The following GRIN2B variants were observed in gnomAD, a reference collection of about 807,000 sequenced individuals.
The protein encoded by GRIN2B is glutamate ionotropic receptor NMDA type subunit 2B.
A neutral mutation model predicts 114.5 loss-of-function variants in GRIN2B; 5 were observed. The ratio of observed to expected loss-of-function variants is 0.04; its 90% CI spans 0.02 to 0.09. GRIN2B has a LOEUF of 0.09. GRIN2B is among the 10% of genes least tolerant of loss of function. GRIN2B has a pLI of 1.00. For synonymous variants in GRIN2B, 787 were observed against 745.1 expected (o/e 1.06, Z -0.92); for missense variants, 1,108 against 1,943.5 (o/e 0.57, Z 8.08).
intron 5 of GRIN2B, among the ~76,000 whole-genome samples, chr12:13,668,552 T>C (rs1448011082): frequency 6.6e-6 from 1 of 152,080 alleles, no homozygotes; most frequent in Non-Finnish European, 1.5e-5. Context: ...CCAGGGCTCT[T>C]GGAGCTCAGT....
chr12:13,600,797 G>A (rs1949146664), intron 10 of GRIN2B, among the ~76,000 whole-genome samples: 2 of 152,182 alleles, frequency 1.3e-5, no homozygotes, highest in South Asian at 4.1e-4. Flanking sequence ...GTGGGGAAGT[G>A]TGCACATAAG....
Position 13,753,370 on chromosome 12 carries a change from G to C in GRIN2B, c.957C>G (p.Ser319Arg). Reference protein sequence around the residue: ...SEHSFIPEPKSSCYNTHEKRI... With the variant: ...SEHSFIPEPKRSCYNTHEKRI... The stretch of plus-strand genomic sequence containing the variant: ...TCTTCTCGTGGGTGTTGTAACAACT[G>C]CTTTTGGGCTCAGGGATGAAGCTGT... The change falls in exon 4 of 14, where the codon AGC becomes AGG. Residue 319 changes from serine (S) to arginine (R), a missense_variant. Coordinates refer to ENST00000609686, the MANE Select transcript of GRIN2B (RefSeq NM_000834.5). The surrounding 1 kb of genome is among the most constrained non-coding windows in gnomAD (Gnocchi z 6.2). 6.2e-7 allele frequency: 1 copy of C among 1,613,716 alleles called. No homozygotes were observed. The highest frequency in any genetic ancestry group is 8.5e-7 in the Non-Finnish European group (1 of 1,179,580).
At chr12:13,883,275 A>C (rs1019623822) in intron 2 of GRIN2B, among the ~76,000 whole-genome samples, 3 of 152,200 alleles carry the variant, frequency 2.0e-5, no homozygotes, top group African/African-American at 7.2e-5. Context: ...GGTACCTGAC[A>C]GTGGGATTGC....
At chr12:13,929,771 A>G (rs1412128463) in intron 2 of GRIN2B, among the ~76,000 whole-genome samples, 1 of 152,158 alleles carries the variant, frequency 6.6e-6, no homozygotes, top group East Asian at 1.9e-4. Context: ...TTCCTTGATA[A>G]TTTCTTCATC....
intron 3 of GRIN2B, among the ~76,000 whole-genome samples, chr12:13,850,314 C>G (rs1865537975): frequency 6.6e-6 from 1 of 152,182 alleles, no homozygotes; most frequent in Non-Finnish European, 1.5e-5. Context: ...TCCTCACACA[C>G]ACCATGGTAC....
intron 2 of GRIN2B, among the ~76,000 whole-genome samples, chr12:13,978,932 T>C (rs1863080618): frequency 6.6e-6 from 1 of 152,248 alleles, no homozygotes. Context: ...TCACATATTG[T>C]AAAAATTGAT....
chr12:13,791,321 G>C (rs1306261198), intron 3 of GRIN2B, among the ~76,000 whole-genome samples: 2 of 151,786 alleles, frequency 1.3e-5, no homozygotes, highest in Admixed American at 1.3e-4. Context: ...GTGTGGTGGC[G>C]GGCGCCTGTA....
At chr12:13,820,335 AT>A (rs1864910505) in intron 3 of GRIN2B, among the ~76,000 whole-genome samples, 1 of 152,144 alleles carries the variant, frequency 6.6e-6, no homozygotes. Context: ...AGACGTTGTC[AT>A]TTCTCTGACC....
rs1222072759 is a variant in GRIN2B at position 13,541,248 on chromosome 12, G to A, written c.*21535C>T. ...GTCAGGGCTACTCTGAAGTATTAAT[G>A]CTGGGATAGTCACTGGGTAACAAAG... On this transcript the variant is annotated 3_prime_UTR_variant, in exon 14 of 14. Transcript: ENST00000609686. The A allele has an allele frequency of 6.6e-6, 1 of 152,164 alleles. No homozygotes were observed. The highest frequency in any genetic ancestry group is 1.5e-5 in the Non-Finnish European group (1 of 68,040). The allele number at this position is 152,164 out of a possible 1,614,324, so 9.4% of individuals were successfully genotyped here. A position where few individuals can be genotyped will look rare whatever the true frequency, so the allele number is the denominator to read the frequency against.
intron 3 of GRIN2B, among the ~76,000 whole-genome samples, chr12:13,795,870 G>A (rs1012989561): frequency 6.6e-6 from 1 of 152,046 alleles, no homozygotes; most frequent in African/African-American, 2.4e-5. Flanking sequence ...CTCATAGGTG[G>A]GAATTGAACA....
chr12:13,566,810 CAGAA>C (rs1313176791), intron 13 of GRIN2B, among the ~76,000 whole-genome samples: 1 of 152,228 alleles, frequency 6.6e-6, no homozygotes. Context: ...AAATCCCACA[CAGAA>C]AGCTGTTTCT....
chr12:13,819,744 G>C (rs1307749617), intron 3 of GRIN2B, among the ~76,000 whole-genome samples: 1 of 152,104 alleles, frequency 6.6e-6, no homozygotes, highest in African/African-American at 2.4e-5. Flanking sequence ...ATTCACATTA[G>C]TTCATATTTT....
intron 4 of GRIN2B, among the ~76,000 whole-genome samples, chr12:13,708,043 G>A (rs1190639484): frequency 6.6e-6 from 1 of 152,042 alleles, no homozygotes; most frequent in Non-Finnish European, 1.5e-5. Context: ...CAGGCAATAA[G>A]GCAGAGTGGG....
chr12:13,597,675 A>G (rs943462593), intron 10 of GRIN2B, among the ~76,000 whole-genome samples: 1 of 152,196 alleles, frequency 6.6e-6, no homozygotes, highest in Non-Finnish European at 1.5e-5. Context: ...CCCACCAGGC[A>G]GAGTGCTTTC....
chr12:13,767,204 G>A (rs1179720335), intron 3 of GRIN2B, among the ~76,000 whole-genome samples: 1 of 149,500 alleles, frequency 6.7e-6, no homozygotes, highest in African/African-American at 2.5e-5. Flanking sequence ...AGCTTGCAGT[G>A]AGCGGAGATC....
At chr12:13,648,340 C>T (rs760166539) in intron 5 of GRIN2B, among the ~76,000 whole-genome samples, 4 of 151,910 alleles carry the variant, frequency 2.6e-5, no homozygotes, top group Admixed American at 6.6e-5. Context: ...GTATCTAATC[C>T]AGTAGCATAG....
At chr12:13,805,236 G>T (rs1411878472) in intron 3 of GRIN2B, among the ~76,000 whole-genome samples, 5 of 152,104 alleles carry the variant, frequency 3.3e-5, no homozygotes, top group Admixed American at 6.6e-5. Context: ...ACTCACTGAG[G>T]TTAAAGACAA....
At position 13,554,462 on chromosome 12, in the gene GRIN2B, AG is replaced by A. The variant is rs1284047769; in HGVS notation, c.*8320del. On this transcript the variant is annotated 3_prime_UTR_variant, in exon 14 of 14. Coordinates refer to ENST00000609686, the MANE Select transcript of GRIN2B (RefSeq NM_000834.5). ...TATTTTGGACAAAGGGAACAGTTTA[AG>A]GGAAGACGCAAGTGGGAAAACAAGC... The A allele has an allele frequency of 6.6e-6, 1 of 152,188 alleles. No individual in the cohort carries two copies. The highest frequency in any genetic ancestry group is 2.4e-5 in the African/African-American group (1 of 41,442). The allele number at this position is 152,188 out of a possible 1,614,324, so 9.4% of individuals were successfully genotyped here.
intron 10 of GRIN2B, among the ~76,000 whole-genome samples, chr12:13,591,563 C>T (rs1269175114): frequency 6.6e-6 from 1 of 152,178 alleles, no homozygotes; most frequent in African/African-American, 2.4e-5. Context: ...GTTTTCTCTA[C>T]TGCACAGTAG....
Sources: gnomAD v4.1 joint callset for allele counts (sites outside exome capture counted in the v4.1 genomes callset) on GRCh38, gnomAD v4.1.1 for gene constraint, Gnocchi (gnomAD v3.1) non-coding constraint, MANE v1.5 for transcripts, NCBI Gene and HGNC (gene_info 2026-07-23, HGNC 2026-07-21) for gene names.